Variants in TENM2 observed in about 807,000 individuals in gnomAD.
TENM2 encodes teneurin transmembrane protein 2.
A neutral mutation model predicts 245.2 loss-of-function variants in TENM2; 52 were observed. The ratio of observed to expected loss-of-function variants is 0.21; its 90% CI spans 0.17 to 0.27. The LOEUF (loss-of-function observed/expected upper bound fraction) is 0.27. TENM2 is among the 10% of genes least tolerant of loss of function. The probability of loss-of-function intolerance (pLI) is 1.00; values close to 1 mark genes in which losing one functional copy is unlikely to be tolerated. For synonymous variants in TENM2, 1,363 were observed against 1,438.9 expected (o/e 0.95, Z 1.19); for missense variants, 3,046 against 3,666.8 (o/e 0.83, Z 4.37).
At chr5:167,027,820 T>C in the TENM2 span, among the ~76,000 whole-genome samples, 1 of 152,128 alleles carries the variant, frequency 6.6e-6, no homozygotes, top group African/African-American at 2.4e-5. Context: ...GGCTCATGCC[T>C]GTAACCCCAA....
Position 167,677,290 on chromosome 5 carries a change from T to C in TENM2, c.503-198696T>C, listed in dbSNP as rs556699684. Among the ~76,000 whole-genome samples, 12 of 152,242 alleles carry C rather than the reference T, an allele frequency of 7.9e-5. No homozygotes were observed. The East Asian group carries it at 9.6e-4, about 12-fold the overall frequency. On this transcript the variant is annotated intron_variant, in intron 2 of 28. Coordinates refer to ENST00000518659, the Ensembl canonical transcript of TENM2. The stretch of plus-strand genomic sequence containing the variant: ...CAAAGAATCACATTTGCTTTGAATA[T>C]GTTATTATGCATATTGCTTGTCACA...
chr5:167,737,472 C>G (rs1211823513), intron 2 of TENM2, among the ~76,000 whole-genome samples: 1 of 152,168 alleles, frequency 6.6e-6, no homozygotes, highest in East Asian at 1.9e-4. Context: ...TGGTACCTCC[C>G]AGGAAGAGAG....
At chr5:167,905,199 G>A (rs367760036) in intron 3 of TENM2, among the ~76,000 whole-genome samples, 5 of 152,224 alleles carry the variant, frequency 3.3e-5, no homozygotes, top group Non-Finnish European at 5.9e-5. Context: ...ACCCTCTGTC[G>A]ATGTCTATTC....
intron 2 of TENM2, among the ~76,000 whole-genome samples, chr5:167,486,120 G>A (rs911328882): frequency 6.6e-6 from 1 of 151,916 alleles, no homozygotes; most frequent in Non-Finnish European, 1.5e-5. Context: ...TTCACAGAGA[G>A]CCTGTTCCAA....
the TENM2 span, among the ~76,000 whole-genome samples, chr5:167,238,283 ATTT>A: frequency 8.2e-5 from 12 of 145,660 alleles, no homozygotes; most frequent in African/African-American, 3.2e-4. Context: ...GATTGACAAC[ATTT>A]TTATTACTTA....
At chr5:167,486,977 A>G (rs10050671) in intron 2 of TENM2, among the ~76,000 whole-genome samples, 3,179 of 152,328 alleles carry the variant, frequency 0.021, 82 homozygotes, top group African/African-American at 0.058. Context: ...AAAAATGTAC[A>G]TATGTACATA....
intron 2 of TENM2, among the ~76,000 whole-genome samples, chr5:167,519,827 ACAGT>A (rs1770633847): frequency 6.6e-6 from 1 of 152,186 alleles, no homozygotes; most frequent in Non-Finnish European, 1.5e-5. Flanking sequence ...CTCTACACAC[ACAGT>A]CAGTTCGGAT....
rs111599079 is a variant in TENM2, at chr5:167,662,093, G to A, written c.503-213893G>A. ...ATAGAGTGGGGTGGGGTGGTTTTCC[G>A]CAAAGGAAATTAAGGTGCAGCCACC... On this transcript the variant is annotated intron_variant, in intron 2 of 28. Coordinates refer to ENST00000518659, the Ensembl canonical transcript of TENM2. 2.9e-3 allele frequency among the ~76,000 whole-genome samples: 441 copies of A among 152,278 alleles called. 3 individuals carry two copies. Among genetic ancestry groups the A allele is most frequent in the African/African-American group, 0.01 (418 of 41,562 alleles).
intron 5 of TENM2, among the ~76,000 whole-genome samples, chr5:168,040,691 A>C (rs936379808): frequency 6.6e-6 from 1 of 152,178 alleles, no homozygotes; most frequent in African/African-American, 2.4e-5. Context: ...TTTTGTTTGC[A>C]TTACTTCTTT....
chr5:167,950,248 C>G (rs980304690), intron 3 of TENM2, among the ~76,000 whole-genome samples: 14 of 152,172 alleles, frequency 9.2e-5, no homozygotes, highest in African/African-American at 3.4e-4. Flanking sequence ...GGGACCAGCC[C>G]TGGATATTGT....
intron 2 of TENM2, among the ~76,000 whole-genome samples, chr5:167,861,110 A>C (rs1023503989): frequency 1.3e-5 from 2 of 151,682 alleles, no homozygotes; most frequent in Non-Finnish European, 2.9e-5. Context: ...TTTCACCCCT[A>C]GCAATCGCTC....
At chr5:167,919,401 T>G (rs1777184499) in intron 3 of TENM2, among the ~76,000 whole-genome samples, 1 of 152,218 alleles carries the variant, frequency 6.6e-6, no homozygotes, top group Non-Finnish European at 1.5e-5. Context: ...TGACTGGTTT[T>G]GATGAAAGTA....
In TENM2 at chr5:168,035,634, G is replaced by A. The variant is rs143190430; in HGVS notation, c.1187-11793G>A. Among the ~76,000 whole-genome samples the A allele has an allele frequency of 2.5e-3, 386 of 152,184 alleles. 7 individuals carry two copies. The South Asian group carries it at 0.032, about 13-fold the overall frequency. The stretch of plus-strand genomic sequence containing the variant: ...GACATTTCAGAAGAGACCCAACTTC[G>A]GTCACCTTGGACAATTCTTTCTGAC... On this transcript the variant is annotated intron_variant, in intron 5 of 28. Transcript: ENST00000518659.
At chr5:168,262,707 G>T (rs1218306162) in exon 29 of TENM2, 13 of 1,611,144 alleles carry the variant, frequency 8.1e-6, no homozygotes, top group Non-Finnish European at 1.1e-5. Flanking sequence ...CGCGTGCAAG[G>T]GTACGAGGGA....
At position 168,160,911 on chromosome 5, in the gene TENM2, G is replaced by A. The variant is rs569908773; in HGVS notation, c.2423-1700G>A. Among the ~76,000 whole-genome samples the A allele has an allele frequency of 7.9e-5, 12 of 152,242 alleles. No individual in the cohort carries two copies. In the South Asian group the frequency reaches 1.0e-3, roughly 13 times the overall value. On this transcript the variant is annotated intron_variant, in intron 12 of 28. Coordinates refer to ENST00000518659, the Ensembl canonical transcript of TENM2. ...CTGGGCATGGTGGCACACACTTGCA[G>A]TCCTAGCTACTGAGGAGGCTGAAGC...
At chr5:167,730,291 G>A (rs770927715) in intron 2 of TENM2, among the ~76,000 whole-genome samples, 1 of 152,158 alleles carries the variant, frequency 6.6e-6, no homozygotes, top group Non-Finnish European at 1.5e-5. Context: ...TGAGGATGTT[G>A]GGATAGTTCT....
At chr5:167,786,334 G>A (rs1295358320) in intron 2 of TENM2, among the ~76,000 whole-genome samples, 1 of 152,194 alleles carries the variant, frequency 6.6e-6, no homozygotes, top group African/African-American at 2.4e-5. Context: ...GACAATTCTA[G>A]CTAACAGAGT....
the TENM2 span, among the ~76,000 whole-genome samples, chr5:167,226,236 G>A: frequency 1.3e-5 from 2 of 151,284 alleles, no homozygotes; most frequent in Non-Finnish European, 3.0e-5. Context: ...TCCTTGAGGT[G>A]CATTGTTACA....
chr5:168,099,255 A>G (rs1323810039), intron 9 of TENM2, among the ~76,000 whole-genome samples: 1 of 151,724 alleles, frequency 6.6e-6, no homozygotes, highest in South Asian at 2.1e-4. Flanking sequence ...CTGATTTTCC[A>G]CCCACCAATA....
Sources: allele counts gnomAD v4.1 joint callset (sites outside exome capture counted in the v4.1 genomes callset), GRCh38; gene constraint gnomAD v4.1.1; transcripts MANE v1.5; gene names NCBI Gene and HGNC (gene_info 2026-07-23, HGNC 2026-07-21).